AHR: variants seen among roughly 807,000 people sequenced by gnomAD.
AHR encodes the protein AH-receptor.
Under a neutral mutation model 86.8 loss-of-function variants are expected in AHR, and 40 were observed. The ratio of observed to expected loss-of-function variants is 0.46; its 90% CI spans 0.36 to 0.60. The LOEUF (loss-of-function observed/expected upper bound fraction) is 0.60. AHR is among the 20% of genes least tolerant of loss of function. AHR has a pLI of 0.00. For missense variants in AHR, 1,001 were observed against 1,011.6 expected, an observed-to-expected ratio of 0.99 and a Z score of 0.14; for synonymous variants, 398 against 354.9, an observed-to-expected ratio of 1.12 and a Z score of -1.37.
In AHR at chr7:17,344,583, A is replaced by G. The variant is rs1782461793; in HGVS notation, c.*1519A>G. 1 of 151,654 alleles carries G rather than the reference A, an allele frequency of 6.6e-6. No individual in the cohort carries two copies. Among genetic ancestry groups the G allele is most frequent in the Admixed American group, 6.6e-5 (1 of 15,188 alleles). 9.4% of individuals were successfully genotyped at this position (151,654 alleles called of 1,614,324 possible). On this transcript the variant is annotated 3_prime_UTR_variant, in exon 11 of 11. Transcript: ENST00000242057. ...GCAAATTAATCACCCTACCAACTTTACTGTCCTAACATGGTTTAAAAGAAA... is the reference window on the plus strand; with the variant it reads ...GCAAATTAATCACCCTACCAACTTTGCTGTCCTAACATGGTTTAAAAGAAA...
chr7:17,339,239 GCTTCAAGTA>G lies in AHR; in HGVS notation c.1426_1434del (p.Ser476_Thr478del). On this transcript the variant is annotated inframe_deletion, in exon 10 of 11. Coordinates refer to ENST00000242057, the MANE Select transcript of AHR (RefSeq NM_001621.5). ...AGATGAGTCTATTTATCTCTATCCT[GCTTCAAGTA>G]CTTCAAGTACTGCACCTTTTGAAAA... 1.9e-6 allele frequency: 3 copies of G among 1,614,138 alleles called. No individual in the cohort carries two copies. The highest frequency in any genetic ancestry group is 2.5e-6 in the Non-Finnish European group (3 of 1,180,010).
At chr7:17,313,649 A>G (rs1782088547) in intron 2 of AHR, among the ~76,000 whole-genome samples, 1 of 148,914 alleles carries the variant, frequency 6.7e-6, no homozygotes, top group Admixed American at 6.6e-5. Context: ...TAATTAAAAC[A>G]TATTGAAATA....
intron 2 of AHR, among the ~76,000 whole-genome samples, chr7:17,313,746 T>A (rs1197532032): frequency 6.6e-6 from 1 of 152,148 alleles, no homozygotes; most frequent in Non-Finnish European, 1.5e-5. Flanking sequence ...AGCATTACAT[T>A]TAAATATATT....
rs1406636606 is a variant in AHR, at chr7:17,343,912, CTTAA to C, written c.*852_*855del. On this transcript the variant is annotated 3_prime_UTR_variant, in exon 11 of 11. Transcript: ENST00000242057. ...AGTAAAATGTCTTTCCAAATTATTT[CTTAA>C]TTATTATAAAAATATTAAGACAATA... 6.6e-6 allele frequency: 1 copy of C among 152,444 alleles called. No individual in the cohort carries two copies. The highest frequency in any genetic ancestry group is 1.9e-4 in the East Asian group (1 of 5,188). 9.4% of individuals were successfully genotyped at this position (152,444 alleles called of 1,614,324 possible). A position where few individuals can be genotyped will look rare whatever the true frequency, so the allele number is the denominator to read the frequency against.
chr7:17,339,138 A>G lies in AHR; in HGVS notation c.1313A>G (p.Lys438Arg), dbSNP rs746255897. 6.2e-7 allele frequency: 1 copy of G among 1,614,186 alleles called. No homozygotes were observed. Among genetic ancestry groups the G allele is most frequent in the East Asian group, 2.2e-5 (1 of 44,880 alleles). The change falls in exon 10 of 11, where the codon AAA becomes AGA. Residue 438 changes from lysine (K) to arginine (R), a missense_variant. Lys to Arg is a conservative substitution (Grantham distance 26). Around this residue, in one of 2 missense-constraint regions of AHR, gnomAD observed 607 missense variants for 543.1 expected, o/e 1.12. Coordinates refer to ENST00000242057, the MANE Select transcript of AHR (RefSeq NM_001621.5). ...PLRTKNGTSGKDSATTSTLSK... is the reference protein window; with the variant it reads ...PLRTKNGTSGRDSATTSTLSK... Reference sequence around the variant, plus strand: ...AGGACTAAAAATGGCACTAGTGGAAAAGACTCTGCTACCACATCCACTCTA... The same window carrying G: ...AGGACTAAAAATGGCACTAGTGGAAGAGACTCTGCTACCACATCCACTCTA...
At chr7:17,341,852 C>A (rs1782429617) in intron 10 of AHR, among the ~76,000 whole-genome samples, 1 of 152,014 alleles carries the variant, frequency 6.6e-6, no homozygotes, top group African/African-American at 2.4e-5. Context: ...CATTATATTT[C>A]TATTGGATTA....
intron 6 of AHR, among the ~76,000 whole-genome samples, chr7:17,331,715 C>T (rs149492723): frequency 1.1e-4 from 16 of 151,984 alleles, no homozygotes; most frequent in African/African-American, 3.6e-4. Context: ...GTCTGAACAC[C>T]TGCATAGGAG....
intron 6 of AHR, among the ~76,000 whole-genome samples, chr7:17,331,110 G>A (rs1490286874): frequency 2.0e-5 from 3 of 151,876 alleles, no homozygotes; most frequent in South Asian, 4.1e-4. Context: ...TACAGCTTGG[G>A]ATTTGCCTTA....
chr7:17,331,483 G>A (rs957755951), intron 6 of AHR, among the ~76,000 whole-genome samples: 5 of 151,886 alleles, frequency 3.3e-5, no homozygotes, highest in African/African-American at 9.7e-5. Context: ...GAAATAACAC[G>A]AAGCCTTGTA....
intron 1 of AHR, among the ~76,000 whole-genome samples, chr7:17,309,035 C>T (rs184377773): frequency 5.1e-4 from 78 of 152,264 alleles, no homozygotes; most frequent in African/African-American, 1.8e-3. Flanking sequence ...GCGTGGGTAT[C>T]TGATGATTTT....
At chr7:17,320,780 G>A (rs1782160909) in intron 2 of AHR, among the ~76,000 whole-genome samples, 1 of 152,104 alleles carries the variant, frequency 6.6e-6, no homozygotes, top group African/African-American at 2.4e-5. Flanking sequence ...CTTTGGTCTT[G>A]ATGAACTGTT....
Position 17,299,018 on chromosome 7 carries a change from G to A in AHR, c.-247G>A. 4.3e-6 allele frequency: 2 copies of A among 469,600 alleles called. No individual in the cohort carries two copies. The highest frequency in any genetic ancestry group is 3.7e-6 in the Non-Finnish European group (1 of 271,816). 29.1% of individuals were successfully genotyped at this position (469,600 alleles called of 1,614,324 possible). A position where few individuals can be genotyped will look rare whatever the true frequency, so the allele number is the denominator to read the frequency against. On this transcript the variant is annotated 5_prime_UTR_variant, in exon 1 of 11. Transcript: ENST00000242057. ...TGCGCCGCCTTGCTCGCGGGTCTCC[G>A]CCCCTCGCCCACCCTCACTGCGCCA...
chr7:17,334,253 C>A (rs888540193), intron 7 of AHR, 139 bp downstream of exon 7: 5 of 732,658 alleles, frequency 6.8e-6, no homozygotes, highest in East Asian at 2.7e-5. Context: ...TCCAGTGTAG[C>A]CTTTTACAGT....
At chr7:17,327,261 A>T (rs1411319751) in intron 3 of AHR, among the ~76,000 whole-genome samples, 7 of 151,950 alleles carry the variant, frequency 4.6e-5, no homozygotes, top group East Asian at 1.9e-4. Flanking sequence ...TGTATATTTT[A>T]TATATATAGT....
At chr7:17,314,491 T>C (rs1010972973) in intron 2 of AHR, among the ~76,000 whole-genome samples, 2 of 152,098 alleles carry the variant, frequency 1.3e-5, no homozygotes, top group African/African-American at 4.8e-5. Context: ...AAGTGCTCTG[T>C]TCTTGGTCTT....
chr7:17,325,672 C>T (rs1306132663), intron 3 of AHR, among the ~76,000 whole-genome samples: 1 of 152,174 alleles, frequency 6.6e-6, no homozygotes, highest in Non-Finnish European at 1.5e-5. Context: ...GGCCATTATC[C>T]TTAGCAAGCT....
chr7:17,318,006 A>G (rs537663579), intron 2 of AHR, among the ~76,000 whole-genome samples: 160 of 152,236 alleles, frequency 1.1e-3, no homozygotes, highest in Middle Eastern at 3.4e-3. Flanking sequence ...GTCAGTTTTT[A>G]TGTAAGAGTT....
intron 1 of AHR, among the ~76,000 whole-genome samples, chr7:17,302,377 A>G (rs1334628233): frequency 1.3e-5 from 2 of 152,000 alleles, no homozygotes; most frequent in African/African-American, 2.4e-5. Context: ...TTGTCTTGCT[A>G]TTCTTTTTAA....
chr7:17,298,767 C>T lies in AHR; in HGVS notation c.-498C>T, dbSNP rs1226755462. 1 of 398,014 alleles carries T rather than the reference C, an allele frequency of 2.5e-6. No homozygotes were observed. The highest frequency in any genetic ancestry group is 4.4e-6 in the Non-Finnish European group (1 of 225,682). 24.7% of individuals were successfully genotyped at this position (398,014 alleles called of 1,614,324 possible). A position where few individuals can be genotyped will look rare whatever the true frequency, so the allele number is the denominator to read the frequency against. ...GCTGGGAGCAGCCGGGACTGGTGGC[C>T]CGCGCCCGAGCTCCGCAGGCGGGAA... On this transcript the variant is annotated 5_prime_UTR_variant, in exon 1 of 11. Transcript: ENST00000242057.
Sources: allele counts gnomAD v4.1 joint callset (sites outside exome capture counted in the v4.1 genomes callset), GRCh38; gene constraint gnomAD v4.1.1; regional missense constraint gnomAD v4.1.1; transcripts MANE v1.5; gene names NCBI Gene and HGNC (gene_info 2026-07-23, HGNC 2026-07-21).